The following NALF1 variants were observed in gnomAD, a reference collection of about 807,000 sequenced individuals.
NALF1 encodes the protein NALCN channel auxiliary factor 1.
NALF1 carries 3 observed loss-of-function variants against 48.4 expected under a neutral mutation model. The observed-to-expected ratio is 0.06, with a 90% CI of 0.03 to 0.16. NALF1 has a LOEUF of 0.16. NALF1 is among the 10% of genes least tolerant of loss of function. The pLI is 1.00. For missense variants in NALF1, 526 were observed against 571.5 expected (o/e 0.92, Z 0.81); for synonymous variants, 262 against 245.7 (o/e 1.07, Z -0.62).
At position 107,362,710 on chromosome 13, in the gene NALF1, C is replaced by T. The variant is rs1883086284; in HGVS notation, c.916-151955G>A. Reference sequence around the variant, plus strand: ...TGGGGGGACACAATTCTACCACCGACAAGTGTCTGGAGGGATGTGGAGCTC... The same window carrying T: ...TGGGGGGACACAATTCTACCACCGATAAGTGTCTGGAGGGATGTGGAGCTC... On this transcript the variant is annotated intron_variant, in intron 1 of 2. Transcript: ENST00000375915. The surrounding 1 kb of genome is among the most constrained non-coding windows in gnomAD (Gnocchi z 4.6). 2.6e-5 allele frequency among the ~76,000 whole-genome samples: 4 copies of T among 152,202 alleles called. No individual in the cohort carries two copies. Among genetic ancestry groups the T allele is most frequent in the Admixed American group, 2.0e-4 (3 of 15,284 alleles).
chr13:107,844,107 T>TA (rs1880110660), intron 1 of NALF1, among the ~76,000 whole-genome samples: 1 of 152,170 alleles, frequency 6.6e-6, no homozygotes, highest in South Asian at 2.1e-4. Flanking sequence ...AAGAAACCTC[T>TA]TTTTTGAAGG....
At chr13:107,828,165 G>A (rs1178158672) in intron 1 of NALF1, among the ~76,000 whole-genome samples, 2 of 152,066 alleles carry the variant, frequency 1.3e-5, no homozygotes, top group African/African-American at 4.8e-5. Flanking sequence ...CTTTTATTAA[G>A]CCATGCAATC....
At chr13:107,316,082 G>A (rs1882143866) in intron 1 of NALF1, among the ~76,000 whole-genome samples, 1 of 151,696 alleles carries the variant, frequency 6.6e-6, no homozygotes, top group Non-Finnish European at 1.5e-5. Flanking sequence ...AGTGTGTGAT[G>A]TTTCCCCTCC....
chr13:107,691,286 C>A (rs1444294727), intron 1 of NALF1, among the ~76,000 whole-genome samples: 1 of 152,184 alleles, frequency 6.6e-6, no homozygotes, highest in Non-Finnish European at 1.5e-5. Flanking sequence ...ACCCTGCCAG[C>A]ACCTTGACTT....
intron 1 of NALF1, among the ~76,000 whole-genome samples, chr13:107,581,459 G>A (rs1878306902): frequency 6.6e-6 from 1 of 152,102 alleles, no homozygotes; most frequent in African/African-American, 2.4e-5. Context: ...CTGTCTAGAG[G>A]AAAGCAATCA....
chr13:107,861,132 G>C (rs2138649916), intron 1 of NALF1, among the ~76,000 whole-genome samples: 1 of 152,076 alleles, frequency 6.6e-6, no homozygotes, highest in African/African-American at 2.4e-5. Context: ...GTTGTACATG[G>C]AGCAAGAAGA....
At chr13:107,680,869 T>TA (rs1881281206) in intron 1 of NALF1, among the ~76,000 whole-genome samples, 1 of 108,802 alleles carries the variant, frequency 9.2e-6, no homozygotes, top group Non-Finnish European at 2.2e-5. Flanking sequence ...TGTGCAAATG[T>TA]AAGGGTGTGT....
At chr13:107,471,459 G>A (rs1232852014) in intron 1 of NALF1, among the ~76,000 whole-genome samples, 1 of 152,008 alleles carries the variant, frequency 6.6e-6, no homozygotes, top group Non-Finnish European at 1.5e-5. Context: ...AGGGGCAGCT[G>A]GTCAGGAGGC....
intron 1 of NALF1, among the ~76,000 whole-genome samples, chr13:107,810,573 C>T (rs1878957839): frequency 6.6e-6 from 1 of 152,062 alleles, no homozygotes; most frequent in Admixed American, 6.6e-5. Context: ...GTCCTGAAAA[C>T]ATCTTAAACT....
At chr13:107,462,080 G>A (rs1047769211) in intron 1 of NALF1, among the ~76,000 whole-genome samples, 2 of 152,114 alleles carry the variant, frequency 1.3e-5, no homozygotes, top group Admixed American at 6.5e-5. Flanking sequence ...TATTTCCTGG[G>A]AGGCTGAACC....
intron 1 of NALF1, among the ~76,000 whole-genome samples, chr13:107,854,781 G>A (rs1003887410): frequency 6.6e-6 from 1 of 151,646 alleles, no homozygotes; most frequent in African/African-American, 2.4e-5. Context: ...GGCTGACGCA[G>A]GAGAATTGCT....
chr13:107,205,955 C>T (rs1179599823), intron 2 of NALF1, among the ~76,000 whole-genome samples: 1 of 152,012 alleles, frequency 6.6e-6, no homozygotes, highest in Non-Finnish European at 1.5e-5. Context: ...GTAATTACCA[C>T]GATGACGGGT....
At chr13:107,856,177 G>A (rs1880436959) in intron 1 of NALF1, among the ~76,000 whole-genome samples, 1 of 152,158 alleles carries the variant, frequency 6.6e-6, no homozygotes, top group South Asian at 2.1e-4. Context: ...AAAGTGCTGG[G>A]ATTACAGGCA....
intron 2 of NALF1, among the ~76,000 whole-genome samples, chr13:107,188,906 A>G (rs569055093): frequency 6.6e-6 from 1 of 152,338 alleles, no homozygotes; most frequent in South Asian, 2.1e-4. Flanking sequence ...TAATGCAAGT[A>G]CAAATAACAG....
At chr13:107,330,062 A>G (rs1335611324) in intron 1 of NALF1, among the ~76,000 whole-genome samples, 1 of 152,168 alleles carries the variant, frequency 6.6e-6, no homozygotes, top group Non-Finnish European at 1.5e-5. Context: ...AGGGAAAATC[A>G]TGCAGATCTC....
At chr13:107,853,036 A>AT (rs75430945) in intron 1 of NALF1, among the ~76,000 whole-genome samples, 22,435 of 152,092 alleles carry the variant, frequency 0.15, 2,881 homozygotes, top group African/African-American at 0.34. Context: ...AGTGAATATG[A>AT]TTTTTTCCCA....
intron 2 of NALF1, among the ~76,000 whole-genome samples, chr13:107,178,160 A>G (rs1184754938): frequency 5.3e-5 from 8 of 152,238 alleles, no homozygotes; most frequent in African/African-American, 1.9e-4. Flanking sequence ...TTTCTTGAGT[A>G]ATACTCTACA....
At chr13:107,465,313 T>TTATATA (rs56340741) in intron 1 of NALF1, among the ~76,000 whole-genome samples, 2 of 149,622 alleles carry the variant, frequency 1.3e-5, no homozygotes, top group Admixed American at 6.7e-5. Flanking sequence ...AACTGTATAA[T>TTATATA]TATATATATA....
intron 1 of NALF1, among the ~76,000 whole-genome samples, chr13:107,588,697 C>A (rs1372411533): frequency 1.3e-5 from 2 of 152,006 alleles, no homozygotes; most frequent in African/African-American, 2.4e-5. Context: ...TTTGACTGTG[C>A]AGAAAAATAT....
Sources: allele counts gnomAD v4.1 joint callset (sites outside exome capture counted in the v4.1 genomes callset), GRCh38; gene constraint gnomAD v4.1.1; non-coding constraint Gnocchi (gnomAD v3.1); transcripts MANE v1.5; gene names NCBI Gene and HGNC (gene_info 2026-07-23, HGNC 2026-07-21).